Variants in SGCZ observed in about 807,000 individuals in gnomAD.
SGCZ encodes the protein sarcoglycan zeta.
Under a neutral mutation model 41.3 loss-of-function variants are expected in SGCZ, and 40 were observed. That is an observed-to-expected ratio of 0.97 (90% CI 0.75 to 1.26). The LOEUF (loss-of-function observed/expected upper bound fraction) is 1.26, where lower values mean the gene tolerates loss of function less well. Ranked by LOEUF, SGCZ falls within the 50% of genes most tolerant of loss-of-function variation. The pLI, the probability that SGCZ is intolerant of heterozygous loss-of-function variation, is 0.00. For missense variants in SGCZ, 552 were observed against 369.8 expected, an observed-to-expected ratio of 1.49 and a Z score of -4.04; for synonymous variants, 206 against 137.5, an observed-to-expected ratio of 1.50 and a Z score of -3.49.
intron 1 of SGCZ, among the ~76,000 whole-genome samples, chr8:14,975,292 C>CA (rs1378699504): frequency 6.6e-6 from 1 of 151,944 alleles, no homozygotes; most frequent in Non-Finnish European, 1.5e-5. Flanking sequence ...GGCGACAGAG[C>CA]AAAACTCCAA....
intron 6 of SGCZ, among the ~76,000 whole-genome samples, chr8:14,106,296 A>AAAAGTTTT (rs1802200987): frequency 1.3e-5 from 2 of 152,244 alleles, no homozygotes; most frequent in Non-Finnish European, 2.9e-5. Flanking sequence ...AAGTTGTTGA[A>AAAAGTTTT]TTCCTGCCTG....
chr8:14,403,053 T>C (rs1362491719), intron 2 of SGCZ, among the ~76,000 whole-genome samples: 21 of 148,590 alleles, frequency 1.4e-4, no homozygotes, highest in African/African-American at 5.0e-4. Flanking sequence ...TTGAAGCAAT[T>C]GTGAATGGGA....
In SGCZ at chr8:14,945,072, T is replaced by A. The variant is rs924132715; in HGVS notation, c.39+292513A>T. ...AAGTTTGTGCTACAGAGAAGCACCT[T>A]ATTCAAGTACAACATGCACAAGGAA... On this transcript the variant is annotated intron_variant, in intron 1 of 7. Coordinates refer to ENST00000382080, the MANE Select transcript of SGCZ (RefSeq NM_139167.4). Among the ~76,000 whole-genome samples, 13 of 143,244 alleles carry A rather than the reference T, an allele frequency of 9.1e-5. No individual in the cohort carries two copies. In the East Asian group the frequency reaches 2.1e-3, roughly 23 times the overall value. 94.0% of individuals were successfully genotyped at this position (143,244 alleles called of 152,430 possible).
chr8:15,077,664 A>C lies in SGCZ; in HGVS notation c.39+159921T>G, dbSNP rs560278150. Among the ~76,000 whole-genome samples the C allele has an allele frequency of 2.0e-5, 3 of 152,312 alleles. No homozygotes were observed. The East Asian group carries it at 5.8e-4, about 29-fold the overall frequency. ...TGTTTAACATGTATTTCAGAGATAA[A>C]ACATGAACCTTATCTTACTCCCTCT... On this transcript the variant is annotated intron_variant, in intron 1 of 7. Coordinates refer to ENST00000382080, the MANE Select transcript of SGCZ (RefSeq NM_139167.4).
intron 2 of SGCZ, among the ~76,000 whole-genome samples, chr8:14,469,416 C>T (rs1418293635): frequency 2.0e-5 from 3 of 151,990 alleles, no homozygotes; most frequent in Non-Finnish European, 2.9e-5. Context: ...TGGAACATAC[C>T]AGGAATCTCT....
At chr8:14,262,611 C>T (rs1799711937) in intron 3 of SGCZ, among the ~76,000 whole-genome samples, 1 of 151,564 alleles carries the variant, frequency 6.6e-6, no homozygotes, top group Non-Finnish European at 1.5e-5. Flanking sequence ...TATATATAAT[C>T]TACATTGTAG....
At chr8:15,230,863 A>T (rs941482485) in intron 1 of SGCZ, among the ~76,000 whole-genome samples, 10 of 152,144 alleles carry the variant, frequency 6.6e-5, no homozygotes, top group Non-Finnish European at 7.4e-5. Flanking sequence ...TTATGACAAA[A>T]CCCTTTCAAA....
intron 1 of SGCZ, among the ~76,000 whole-genome samples, chr8:14,762,468 AG>A (rs1799918236): frequency 6.6e-6 from 1 of 152,212 alleles, no homozygotes. Context: ...TGTGAGGTAA[AG>A]GGGTTAATTT....
chr8:15,053,984 A>C (rs1160259544), intron 1 of SGCZ, among the ~76,000 whole-genome samples: 1 of 152,156 alleles, frequency 6.6e-6, no homozygotes, highest in African/African-American at 2.4e-5. Context: ...TTTGGATCTA[A>C]GGTATGAAAC....
intron 1 of SGCZ, among the ~76,000 whole-genome samples, chr8:14,877,458 C>T (rs1185418165): frequency 6.6e-6 from 1 of 152,144 alleles, no homozygotes. Flanking sequence ...CCAACTGCTT[C>T]TAAATCATGA....
At chr8:14,768,112 A>T (rs1049959965) in intron 1 of SGCZ, among the ~76,000 whole-genome samples, 1 of 152,228 alleles carries the variant, frequency 6.6e-6, no homozygotes. Context: ...CTAAAATGCC[A>T]AAAAGAATAT....
chr8:15,026,799 G>A (rs1225043250), intron 1 of SGCZ, among the ~76,000 whole-genome samples: 1 of 152,138 alleles, frequency 6.6e-6, no homozygotes, highest in African/African-American at 2.4e-5. Flanking sequence ...AGAAGCTCTA[G>A]CTTTTAAAGA....
intron 3 of SGCZ, among the ~76,000 whole-genome samples, chr8:14,246,078 C>T (rs953728032): frequency 6.6e-6 from 1 of 152,006 alleles, no homozygotes; most frequent in Non-Finnish European, 1.5e-5. Flanking sequence ...ACCATTTGAC[C>T]CAGCCATCAC....
At chr8:15,185,960 C>G (rs1367496257) in intron 1 of SGCZ, among the ~76,000 whole-genome samples, 1 of 150,876 alleles carries the variant, frequency 6.6e-6, no homozygotes, top group East Asian at 2.0e-4. Flanking sequence ...CGCGGTGGCT[C>G]ACGTCTGTAA....
chr8:15,070,716 G>C (rs1805318881), intron 1 of SGCZ, among the ~76,000 whole-genome samples: 1 of 152,148 alleles, frequency 6.6e-6, no homozygotes, highest in South Asian at 2.1e-4. Context: ...CATTTTACAA[G>C]CTTTACAGTT....
chr8:14,554,227 C>T (rs1803960799), intron 2 of SGCZ, among the ~76,000 whole-genome samples: 1 of 151,958 alleles, frequency 6.6e-6, no homozygotes, highest in African/African-American at 2.4e-5. Flanking sequence ...CAATTATAGG[C>T]ATTAGTCAAT....
intron 1 of SGCZ, among the ~76,000 whole-genome samples, chr8:15,044,190 C>T (rs1804215609): frequency 6.6e-6 from 1 of 152,088 alleles, no homozygotes; most frequent in Non-Finnish European, 1.5e-5. Context: ...GAATAAATGT[C>T]AGTATCATAG....
Position 14,942,994 on chromosome 8 carries a change from T to C in SGCZ, c.39+294591A>G, listed in dbSNP as rs537892909. 7.2e-5 allele frequency among the ~76,000 whole-genome samples: 11 copies of C among 152,310 alleles called. 1 individual carries two copies. Among genetic ancestry groups the C allele is most frequent in the African/African-American group, 2.6e-4 (11 of 41,574 alleles). ...TGATTGCTGAATCATGCCAGTCTTATTGAGACACATTCAACTCTTACATTT... is the reference window on the plus strand; with the variant it reads ...TGATTGCTGAATCATGCCAGTCTTACTGAGACACATTCAACTCTTACATTT... On this transcript the variant is annotated intron_variant, in intron 1 of 7. Transcript: ENST00000382080.
chr8:14,732,100 G>GA (rs981813659), intron 1 of SGCZ, among the ~76,000 whole-genome samples: 92 of 152,172 alleles, frequency 6.0e-4, no homozygotes, highest in African/African-American at 2.0e-3. Flanking sequence ...CTTAATGCTG[G>GA]AAAAAACACT....
Sources: allele counts gnomAD v4.1 joint callset (sites outside exome capture counted in the v4.1 genomes callset), GRCh38; gene constraint gnomAD v4.1.1; transcripts MANE v1.5; gene names NCBI Gene and HGNC (gene_info 2026-07-23, HGNC 2026-07-21).